The following GRIK3 variants were observed in gnomAD, a reference collection of about 807,000 sequenced individuals.
GRIK3 encodes glutamate receptor ionotropic, kainate 3.
Under a neutral mutation model 102.5 loss-of-function variants are expected in GRIK3, and 29 were observed. The observed-to-expected ratio is 0.28, with a 90% CI of 0.21 to 0.39. The LOEUF is 0.39. GRIK3 is among the 10% of genes least tolerant of loss of function. The probability of loss-of-function intolerance (pLI) is 1.00; values close to 1 mark genes in which losing one functional copy is unlikely to be tolerated. For missense variants in GRIK3, 908 were observed against 1,252.4 expected, an observed-to-expected ratio of 0.73 and a Z score of 4.15; for synonymous variants, 511 against 504.9, an observed-to-expected ratio of 1.01 and a Z score of -0.16.
intron 13 of GRIK3, among the ~76,000 whole-genome samples, chr1:36,810,809 C>A (rs1329413090): frequency 6.6e-6 from 1 of 152,214 alleles, no homozygotes; most frequent in African/African-American, 2.4e-5. Flanking sequence ...GACAGGAGGC[C>A]TCTTTGGAGT....
chr1:36,933,396 C>T (rs3767075), intron 1 of GRIK3, among the ~76,000 whole-genome samples: 130,692 of 152,246 alleles, frequency 0.86, 56,267 homozygotes, highest in Admixed American at 0.91. Context: ...GGGATGTTTT[C>T]ATGCAGCCAG....
intron 1 of GRIK3, among the ~76,000 whole-genome samples, chr1:37,004,766 C>T (rs149043770): frequency 6.6e-6 from 1 of 152,396 alleles, no homozygotes; most frequent in East Asian, 1.9e-4. Context: ...CAGCGATTAA[C>T]TGCAGTGCCT....
In GRIK3 at chr1:36,872,347, G is replaced by A. The variant is rs766437519; in HGVS notation, c.573C>T (p.Leu191=). ...TGTTGTATCTTGATGGGGCCATGAT[G>A]AGCTCCTGCAGTCGGATGAGCCCTG... is the stretch of plus-strand genomic sequence containing the variant. The part of the protein sequence containing the change: ...DSTGLIRLQE[L]IMAPSRYNIR... Residue 191 remains leucine, a synonymous_variant, in exon 4 of 16, where the codon CTC becomes CTT. Coordinates refer to ENST00000373091, the MANE Select transcript of GRIK3 (RefSeq NM_000831.4). The surrounding 1 kb of genome is among the most constrained non-coding windows in gnomAD (Gnocchi z 5.9). 13 of 1,606,488 alleles carry A rather than the reference G, an allele frequency of 8.1e-6. No homozygotes were observed. Among genetic ancestry groups the A allele is most frequent in the African/African-American group, 1.3e-5 (1 of 74,858 alleles).
intron 1 of GRIK3, among the ~76,000 whole-genome samples, chr1:37,033,674 A>G (rs545310055): frequency 6.6e-6 from 1 of 152,070 alleles, no homozygotes; most frequent in South Asian, 2.1e-4. Flanking sequence ...GCTGCGGTTC[A>G]TGCTGGCAGT....
intron 1 of GRIK3, among the ~76,000 whole-genome samples, chr1:36,907,694 C>G (rs1500788): frequency 6.6e-6 from 1 of 151,926 alleles, no homozygotes; most frequent in African/African-American, 2.4e-5. Context: ...GAGGCTGCCC[C>G]TCCACCCCCA....
intron 2 of GRIK3, 45 bp downstream of exon 2, chr1:36,890,875 C>G: frequency 6.8e-7 from 1 of 1,479,736 alleles, no homozygotes. Context: ...AGCGCTTCCC[C>G]TCCCCAGGCT....
intron 11 of GRIK3, among the ~76,000 whole-genome samples, chr1:36,821,155 T>C (rs1642691926): frequency 6.6e-6 from 1 of 152,224 alleles, no homozygotes; most frequent in African/African-American, 2.4e-5. Flanking sequence ...ATATTATACA[T>C]TGATTACCAG....
At chr1:36,886,953 A>AATT (rs1641043925) in intron 2 of GRIK3, among the ~76,000 whole-genome samples, 2 of 152,350 alleles carry the variant, frequency 1.3e-5, no homozygotes, top group South Asian at 4.1e-4. Flanking sequence ...TTGCTGATTA[A>AATT]AATTCCATTG....
intron 1 of GRIK3, among the ~76,000 whole-genome samples, chr1:36,914,606 G>A (rs1570796443): frequency 6.6e-6 from 1 of 152,244 alleles, no homozygotes; most frequent in Middle Eastern, 3.4e-3. Context: ...GAGGTCCAGG[G>A]CTAGATCCTC....
intron 1 of GRIK3, among the ~76,000 whole-genome samples, chr1:36,912,631 C>T (rs753983329): frequency 5.9e-5 from 9 of 152,122 alleles, no homozygotes; most frequent in Non-Finnish European, 1.0e-4. Flanking sequence ...GCTCCCTATG[C>T]GTCCTCCTCC....
chr1:36,859,977 C>T lies in GRIK3; in HGVS notation c.827G>A (p.Gly276Asp). The T allele has an allele frequency of 6.2e-7, 1 of 1,611,546 alleles. No individual in the cohort carries two copies. Among genetic ancestry groups the T allele is most frequent in the Non-Finnish European group, 8.5e-7 (1 of 1,178,702 alleles). The change falls in exon 6 of 16, where the codon GGC becomes GAC. Residue 276 changes from glycine to aspartate, a missense_variant. By Grantham distance (94) the Gly-to-Asp change is moderately conservative (BLOSUM62 -1). This residue lies in a region of GRIK3 where 585 missense variants were observed against 824.9 expected (regional missense o/e 0.71). Transcript: ENST00000373091. ...ALDLEPYRYS[G>D]VNLTGFRILN... ...AATCCGGAATCCTGTCAGGTTCACG[C>T]CTGAGTAGCGGTAGGGCTCCAGGTC... is the stretch of plus-strand genomic sequence containing the variant.
intron 1 of GRIK3, among the ~76,000 whole-genome samples, chr1:36,942,605 A>G (rs1380808964): frequency 1.3e-5 from 2 of 151,280 alleles, no homozygotes; most frequent in Non-Finnish European, 2.9e-5. Context: ...GTGGAGGTCA[A>G]ACTCCACCTC....
intron 10 of GRIK3, among the ~76,000 whole-genome samples, chr1:36,834,991 G>A (rs868771579): frequency 2.6e-5 from 4 of 152,272 alleles, no homozygotes; most frequent in Non-Finnish European, 5.9e-5. Flanking sequence ...CCTTTTCCTC[G>A]GGGTATACTC....
rs969906077 is a variant in GRIK3 at position 36,918,859 on chromosome 1, G to A, written c.116-27763C>T. The stretch of plus-strand genomic sequence containing the variant: ...AGCAGCCCTCTGACCTCTCTGAGCA[G>A]CCCTTCTCTCATTCATTCATTCACT... On this transcript the variant is annotated intron_variant, in intron 1 of 15. Coordinates refer to ENST00000373091, the MANE Select transcript of GRIK3 (RefSeq NM_000831.4). Among the ~76,000 whole-genome samples, 3 of 152,194 alleles carry A rather than the reference G, an allele frequency of 2.0e-5. No homozygotes were observed. In the East Asian group the frequency reaches 5.8e-4, roughly 29 times the overall value.
intron 1 of GRIK3, among the ~76,000 whole-genome samples, chr1:36,953,030 C>T (rs1284298323): frequency 1.3e-5 from 2 of 152,232 alleles, no homozygotes; most frequent in Non-Finnish European, 2.9e-5. Context: ...CCCAGGACTA[C>T]TTGGGTGAGG....
chr1:36,985,573 T>TGGTC (rs1294214917), intron 1 of GRIK3, among the ~76,000 whole-genome samples: 1 of 152,178 alleles, frequency 6.6e-6, no homozygotes, highest in Non-Finnish European at 1.5e-5. Flanking sequence ...ATGTGGGCAC[T>TGGTC]GGTCCATCCC....
At chr1:36,996,423 C>T (rs1212568049) in intron 1 of GRIK3, among the ~76,000 whole-genome samples, 1 of 152,194 alleles carries the variant, frequency 6.6e-6, no homozygotes, top group Non-Finnish European at 1.5e-5. Flanking sequence ...CCTGTTGGCC[C>T]ACTCTGGTCA....
At position 37,002,029 on chromosome 1, in the gene GRIK3, G is replaced by A. The variant is rs554800470; in HGVS notation, c.115+31965C>T. Among the ~76,000 whole-genome samples the A allele has an allele frequency of 2.0e-5, 3 of 152,288 alleles. No individual in the cohort carries two copies. In the South Asian group the frequency reaches 6.2e-4, roughly 32 times the overall value. ...TTCCAGCAGGATGTTCCTGAAGCCAGAAAAATGCTCTCAGAGAGCAACAAG... is the reference window on the plus strand; with the variant it reads ...TTCCAGCAGGATGTTCCTGAAGCCAAAAAAATGCTCTCAGAGAGCAACAAG... On this transcript the variant is annotated intron_variant, in intron 1 of 15. Coordinates refer to ENST00000373091, the MANE Select transcript of GRIK3 (RefSeq NM_000831.4).
intron 5 of GRIK3, among the ~76,000 whole-genome samples, chr1:36,867,412 A>G (rs1202435479): frequency 3.3e-5 from 5 of 152,034 alleles, no homozygotes; most frequent in African/African-American, 9.7e-5. Flanking sequence ...CCCACTCACT[A>G]ATTTCCAGTC....
Sources: gnomAD v4.1 joint callset for allele counts (sites outside exome capture counted in the v4.1 genomes callset) on GRCh38, gnomAD v4.1.1 for gene constraint, gnomAD v4.1.1 regional missense constraint, Gnocchi (gnomAD v3.1) non-coding constraint, MANE v1.5 for transcripts, NCBI Gene and HGNC (gene_info 2026-07-23, HGNC 2026-07-21) for gene names.